Variants in BRF1 observed in about 807,000 individuals in gnomAD.
BRF1 encodes BRF1 general transcription factor IIIB subunit.
In BRF1, 59 loss-of-function variants were observed where a neutral mutation model predicts 81.7. The ratio of observed to expected loss-of-function variants is 0.72; its 90% CI spans 0.59 to 0.90. BRF1 has a LOEUF of 0.90. BRF1 is among the 40% of genes least tolerant of loss of function. The pLI is 0.00. For synonymous variants in BRF1, 491 were observed against 395.6 expected (o/e 1.24, Z -2.86); for missense variants, 1,050 against 936.3 (o/e 1.12, Z -1.58).
Position 105,249,324 on chromosome 14 carries a change from G to C in BRF1, c.544+3183C>G, listed in dbSNP as rs919112593. ...CGTGTGGCTGACACGCAGCCTGCGG[G>C]AGAGCCAGGCTCACGGCGGCGCTTT... On this transcript the variant is annotated intron_variant, in intron 5 of 17. Coordinates refer to ENST00000547530, the MANE Select transcript of BRF1 (RefSeq NM_001519.4). 4 of 1,598,090 alleles carry C rather than the reference G, an allele frequency of 2.5e-6. No homozygotes were observed. In the African/African-American group the frequency reaches 5.4e-5, roughly 21 times the overall value.
chr14:105,244,052 C>T (rs2054909145), intron 5 of BRF1, among the ~76,000 whole-genome samples: 1 of 151,830 alleles, frequency 6.6e-6, no homozygotes, highest in African/African-American at 2.4e-5. Flanking sequence ...CTCATACCTA[C>T]ATTCCTAGCT....
chr14:105,289,035 CAAAAAAAAAA>C (rs751051126), intron 1 of BRF1, among the ~76,000 whole-genome samples: 4 of 96,508 alleles, frequency 4.1e-5, no homozygotes, highest in African/African-American at 1.2e-4. Context: ...GACCCTGTCT[CAAAAAAAAAA>C]AAAAAAAGAA....
At chr14:105,224,112 G>A (rs587639213) in intron 10 of BRF1, among the ~76,000 whole-genome samples, 2 of 152,344 alleles carry the variant, frequency 1.3e-5, no homozygotes, top group South Asian at 4.1e-4. Context: ...GCTCACTCCT[G>A]TAATCCCGCA....
chr14:105,222,908 G>A lies in BRF1; in HGVS notation c.1049-994C>T, dbSNP rs188110364. Among the ~76,000 whole-genome samples the A allele has an allele frequency of 6.6e-3, 1,008 of 152,324 alleles. 10 individuals are homozygous for A. The highest frequency in any genetic ancestry group is 0.021 in the African/African-American group (882 of 41,558). ...CTCCCAAAGTGCTGGGATTACAGGC[G>A]TGAGGCTCTGCGCCTGGCTGACAAC... On this transcript the variant is annotated intron_variant, in intron 10 of 17. Coordinates refer to ENST00000547530, the MANE Select transcript of BRF1 (RefSeq NM_001519.4).
chr14:105,215,259 C>T (rs951959988), intron 15 of BRF1, among the ~76,000 whole-genome samples: 1 of 151,976 alleles, frequency 6.6e-6, no homozygotes, highest in Admixed American at 6.5e-5. Context: ...TGTATACAGA[C>T]ACATGCATGC....
intron 5 of BRF1, among the ~76,000 whole-genome samples, chr14:105,244,947 CAA>C (rs764309466): frequency 3.8e-5 from 5 of 130,368 alleles, no homozygotes; most frequent in Non-Finnish European, 3.3e-5. Context: ...ACCCCAAGTG[CAA>C]AAAAAAAAAA....
rs587599512 is a variant in BRF1, at chr14:105,211,224, C to T, written c.1894G>A (p.Gly632Arg). The T allele has an allele frequency of 7.4e-6, 12 of 1,611,148 alleles. No homozygotes were observed. Among genetic ancestry groups the T allele is most frequent in the South Asian group, 4.4e-5 (4 of 91,018 alleles). ...ARPQAVLVES[G>R]PVSYHADEEA... The stretch of plus-strand genomic sequence containing the variant: ...TCGTCGGCGTGGTATGACACGGGCC[C>T]GCTCTCCACCAGCACCGCCTGGGGC... The change falls in exon 17 of 18, where the codon GGG becomes AGG. Residue 632 changes from glycine (G) to arginine (R), a missense_variant. Transcript: ENST00000547530.
At chr14:105,307,038 T>C (rs1485408683) in intron 1 of BRF1, among the ~76,000 whole-genome samples, 4 of 151,778 alleles carry the variant, frequency 2.6e-5, no homozygotes, top group African/African-American at 9.7e-5. Flanking sequence ...ATTTACTTTA[T>C]TTTTTCTTTT....
At chr14:105,313,254 T>G (rs1255035354) in intron 1 of BRF1, among the ~76,000 whole-genome samples, 2 of 152,016 alleles carry the variant, frequency 1.3e-5, no homozygotes, top group Non-Finnish European at 1.5e-5. Flanking sequence ...AGTTCTGGGG[T>G]CAATGGGTGC....
chr14:105,303,045 C>A (rs901134176), upstream of BRF1, among the ~76,000 whole-genome samples: 1 of 152,038 alleles, frequency 6.6e-6, no homozygotes, highest in African/African-American at 2.4e-5. Context: ...TCTGTCACTT[C>A]AGCCTCCCAA....
chr14:105,229,522 G>A (rs1046949829), intron 6 of BRF1, among the ~76,000 whole-genome samples: 2 of 152,232 alleles, frequency 1.3e-5, no homozygotes, highest in African/African-American at 4.8e-5. Context: ...CGGAGCTGGG[G>A]TAGTTGACCA....
chr14:105,274,905 G>A (rs587688103), intron 2 of BRF1, among the ~76,000 whole-genome samples: 3 of 152,324 alleles, frequency 2.0e-5, no homozygotes, highest in Non-Finnish European at 4.4e-5. Flanking sequence ...GGTACCCAGA[G>A]GACATGTGTG....
Position 105,260,887 on chromosome 14 carries a change from T to C in BRF1, c.440-4338A>G, listed in dbSNP as rs114535524. On this transcript the variant is annotated intron_variant, in intron 3 of 17. Transcript: ENST00000547530. ...GTGCTTCCCTTGTGAGGATATCACA[T>C]TCCCTCTGGCCAATCCCGGGAGGGC... is the stretch of plus-strand genomic sequence containing the variant. Among the ~76,000 whole-genome samples the C allele has an allele frequency of 3.4e-3, 525 of 152,334 alleles. 2 individuals carry two copies. The highest frequency in any genetic ancestry group is 0.012 in the African/African-American group (492 of 41,586).
At chr14:105,273,013 A>G (rs2056724937) in intron 2 of BRF1, 119 bp from the exon 3 acceptor site, 1 of 1,212,746 alleles carries the variant, frequency 8.2e-7, no homozygotes, top group Non-Finnish European at 1.1e-6. Context: ...TAAGTTTCTG[A>G]GCTCACTTTT....
intron 5 of BRF1, 21 bp from the exon 6 acceptor site, chr14:105,241,435 C>T (rs2054629681): frequency 6.2e-7 from 1 of 1,608,656 alleles, no homozygotes; most frequent in Non-Finnish European, 8.5e-7. Context: ...CACAGCACCT[C>T]AGTGCCCACC....
intron 6 of BRF1, among the ~76,000 whole-genome samples, chr14:105,229,795 A>G (rs1241594302): frequency 3.6e-4 from 1 of 2,750 alleles, no homozygotes; most frequent in African/African-American, 1.5e-3. Flanking sequence ...ACAACCTAGC[A>G]TCTCAGGAGA....
At chr14:105,221,550 G>T in intron 11 of BRF1, 98 bp downstream of exon 11, 1 of 1,484,824 alleles carries the variant, frequency 6.7e-7, no homozygotes, top group Admixed American at 2.6e-5. Context: ...CACACCTCCC[G>T]ACAGAGGATG....
At chr14:105,226,421 C>T (rs1893103484) in intron 8 of BRF1, 131 bp from the exon 9 acceptor site, 2 of 1,464,306 alleles carry the variant, frequency 1.4e-6, no homozygotes, top group Admixed American at 1.8e-5. Context: ...GGAGGTGGAG[C>T]TATGGGCCTG....
At chr14:105,313,998 C>T (rs2058433226) in intron 1 of BRF1, among the ~76,000 whole-genome samples, 1 of 152,382 alleles carries the variant, frequency 6.6e-6, no homozygotes, top group Middle Eastern at 3.4e-3. Context: ...TTGTCCTGAG[C>T]ACAACGCTGA....
Sources: allele counts gnomAD v4.1 joint callset (sites outside exome capture counted in the v4.1 genomes callset), GRCh38; gene constraint gnomAD v4.1.1; transcripts MANE v1.5; gene names NCBI Gene and HGNC (gene_info 2026-07-23, HGNC 2026-07-21).